The following GALNT9 variants were observed in gnomAD, a reference collection of about 807,000 sequenced individuals.
GALNT9 encodes the protein GalNAc transferase 9.
A neutral mutation model predicts 63.1 loss-of-function variants in GALNT9; 47 were observed. That is an observed-to-expected ratio of 0.75 (90% CI 0.59 to 0.95). GALNT9 has a LOEUF of 0.95. Ranked by LOEUF, GALNT9 falls within the 40% of genes least tolerant of loss-of-function variation. GALNT9 has a pLI of 0.00. For synonymous variants in GALNT9, 396 were observed against 365.7 expected (o/e 1.08, Z -0.94); for missense variants, 829 against 874.8 (o/e 0.95, Z 0.66).
chr12:132,290,791 G>T (rs1203249217), intron 1 of GALNT9, among the ~76,000 whole-genome samples: 3 of 71,934 alleles, frequency 4.2e-5, no homozygotes, highest in Non-Finnish European at 7.7e-5. Flanking sequence ...CACGTCCACA[G>T]CACCCACGTC....
At chr12:132,268,846 C>A (rs1344748903) in intron 2 of GALNT9, among the ~76,000 whole-genome samples, 1 of 152,206 alleles carries the variant, frequency 6.6e-6, no homozygotes. Context: ...GTCTGGCTAC[C>A]GGAAAGGCTG....
chr12:132,248,599 C>T (rs1878801972), intron 5 of GALNT9, among the ~76,000 whole-genome samples: 1 of 152,184 alleles, frequency 6.6e-6, no homozygotes. Flanking sequence ...GTATCAGGAG[C>T]CAGGACTGCA....
At chr12:132,260,521 G>A (rs2135543943) in intron 4 of GALNT9, among the ~76,000 whole-genome samples, 1 of 152,356 alleles carries the variant, frequency 6.6e-6, no homozygotes, top group South Asian at 2.1e-4. Context: ...TGACTGAGCA[G>A]GGCCTGAGAG....
chr12:132,271,101 T>C (rs114197906), intron 2 of GALNT9, among the ~76,000 whole-genome samples: 1,734 of 152,192 alleles, frequency 0.011, 29 homozygotes, highest in African/African-American at 0.038. Flanking sequence ...CGTCACTCTG[T>C]GCCAGTCCCC....
At chr12:132,301,932 T>C (rs1180708491) in intron 1 of GALNT9, among the ~76,000 whole-genome samples, 1 of 152,192 alleles carries the variant, frequency 6.6e-6, no homozygotes, top group Non-Finnish European at 1.5e-5. Flanking sequence ...GCAATGACCT[T>C]CCAACCACTA....
At chr12:132,201,331 T>C in intron 7 of GALNT9, 70 bp from the exon 8 acceptor site, 1 of 1,101,894 alleles carries the variant, frequency 9.1e-7, no homozygotes, top group Non-Finnish European at 1.4e-6. Context: ...CATAATGAGG[T>C]TGGGGGTCTC....
At chr12:132,320,639 TGG>T (rs1384866169) in intron 1 of GALNT9, among the ~76,000 whole-genome samples, 1 of 29,588 alleles carries the variant, frequency 3.4e-5, no homozygotes, top group African/African-American at 1.4e-4. Flanking sequence ...CCTGGATCCG[TGG>T]GACACGGTGG....
In GALNT9 at chr12:132,257,450, T is replaced by TCGTCCC. The variant is rs1879167020; in HGVS notation, c.959+238_959+239insGGGACG. Reference sequence around the variant, plus strand: ...GTCCCCAGCCCTCGTCCCCATGCCCTCATCCCCGGCCCTCGTCCCCACGCC... The same window carrying TCGTCCC: ...GTCCCCAGCCCTCGTCCCCATGCCCTCGTCCCCATCCCCGGCCCTCGTCCCCACGCC... On this transcript the variant is annotated intron_variant, in intron 5 of 10. Coordinates refer to ENST00000328957, the MANE Select transcript of GALNT9 (RefSeq NM_001122636.2). 4.8e-5 allele frequency among the ~76,000 whole-genome samples: 7 copies of TCGTCCC among 145,856 alleles called. 1 individual carries two copies. Among genetic ancestry groups the TCGTCCC allele is most frequent in the African/African-American group, 1.8e-4 (7 of 38,816 alleles).
Position 132,197,259 on chromosome 12 carries a change from G to C in GALNT9, c.1666-6C>G. 6.2e-7 allele frequency: 1 copy of C among 1,611,044 alleles called. No homozygotes were observed. The highest frequency in any genetic ancestry group is 1.1e-5 in the South Asian group (1 of 91,072). ...CGGCTCACAATGGGGCCACTCTGTG[G>C]GGACAGGCACATCAAGTCAGCCAGG... On this transcript the variant is annotated splice_region_variant and splice_polypyrimidine_tract_variant and intron_variant, in intron 10 of 10. Transcript: ENST00000328957.
intron 5 of GALNT9, 67 bp from the exon 6 acceptor site, chr12:132,248,094 G>T: frequency 6.7e-7 from 1 of 1,497,586 alleles, no homozygotes; most frequent in South Asian, 1.3e-5. Flanking sequence ...GCTGGGCCAT[G>T]AGCCAGGAAA....
At chr12:132,303,426 C>G (rs1555244088) in intron 1 of GALNT9, among the ~76,000 whole-genome samples, 1 of 147,246 alleles carries the variant, frequency 6.8e-6, no homozygotes, top group South Asian at 2.2e-4. Context: ...GGCACAGCCT[C>G]GCCCGGGCAC....
At chr12:132,205,140 T>TA (rs1000259677) in intron 6 of GALNT9, among the ~76,000 whole-genome samples, 11 of 152,200 alleles carry the variant, frequency 7.2e-5, no homozygotes, top group Middle Eastern at 3.4e-3. Context: ...TCCAGGCCGT[T>TA]ATCTTAATCA....
intron 2 of GALNT9, among the ~76,000 whole-genome samples, chr12:132,263,794 C>T (rs1022720612): frequency 3.3e-5 from 5 of 152,312 alleles, no homozygotes; most frequent in South Asian, 2.1e-4. Flanking sequence ...CGGCTGGGCC[C>T]GTGAAGTACT....
intron 1 of GALNT9, among the ~76,000 whole-genome samples, chr12:132,288,721 C>T (rs1182971871): frequency 2.7e-4 from 38 of 143,174 alleles, no homozygotes; most frequent in African/African-American, 9.6e-4. Context: ...TCGTTCTGGA[C>T]GGCTGCCCGA....
chr12:132,223,191 ACCCCACATACACCCTACACAAC>A (rs1877541271), intron 6 of GALNT9, among the ~76,000 whole-genome samples: 106 of 98,552 alleles, frequency 1.1e-3, no homozygotes, highest in African/African-American at 1.8e-3. Flanking sequence ...CACAACCCAC[ACCCCACATACACCCTACACAAC>A]CCGCACCCCA....
At chr12:132,290,081 C>T (rs542904604) in intron 1 of GALNT9, among the ~76,000 whole-genome samples, 14 of 152,272 alleles carry the variant, frequency 9.2e-5, no homozygotes, top group Middle Eastern at 6.8e-3. Flanking sequence ...ACGTTCCTGG[C>T]CATGGTGCTT....
intron 1 of GALNT9, among the ~76,000 whole-genome samples, chr12:132,300,198 A>G (rs1344281989): frequency 2.0e-5 from 3 of 148,548 alleles, no homozygotes; most frequent in Non-Finnish European, 4.5e-5. Flanking sequence ...TGCTCCCACC[A>G]CACCTAACTC....
At position 132,286,571 on chromosome 12, in the gene GALNT9, C is replaced by T. The variant is rs1299974648; in HGVS notation, c.239-141G>A. On this transcript the variant is annotated intron_variant, in intron 1 of 10. Coordinates refer to ENST00000328957, the MANE Select transcript of GALNT9 (RefSeq NM_001122636.2). This position sits in a 1 kb window ranked among gnomAD's most constrained non-coding sequence, Gnocchi z 7.4. ...CAAACTCCCTGCAGATGGCAGGCTG[C>T]CAGCTCAGGACATTCCAGAAAGTGC... 39 of 1,334,040 alleles carry T rather than the reference C, an allele frequency of 2.9e-5. No individual in the cohort carries two copies. The highest frequency in any genetic ancestry group is 3.8e-5 in the Non-Finnish European group (38 of 1,007,352). The allele number at this position is 1,334,040 out of a possible 1,614,324, so 82.6% of individuals were successfully genotyped here. A position where few individuals can be genotyped will look rare whatever the true frequency, so the allele number is the denominator to read the frequency against.
At chr12:132,303,438 C>CCCTCACCTGGGCACAG (rs1566019044) in intron 1 of GALNT9, among the ~76,000 whole-genome samples, 3 of 90,000 alleles carry the variant, frequency 3.3e-5, no homozygotes, top group African/African-American at 8.7e-5. Context: ...CCCGGGCACA[C>CCCTCACCTGGGCACAG]CCTCGCCCGG....
Sources: allele counts gnomAD v4.1 joint callset (sites outside exome capture counted in the v4.1 genomes callset), GRCh38; gene constraint gnomAD v4.1.1; non-coding constraint Gnocchi (gnomAD v3.1); transcripts MANE v1.5; gene names NCBI Gene and HGNC (gene_info 2026-07-23, HGNC 2026-07-21).